The following ASTN2 variants were observed in gnomAD, a reference collection of about 807,000 sequenced individuals.
ASTN2 encodes the protein astrotactin-2.
In ASTN2, 54 loss-of-function variants were observed where a neutral mutation model predicts 139.8. The observed-to-expected ratio is 0.39, with a 90% CI of 0.31 to 0.48. The LOEUF is 0.48. ASTN2 is among the 20% of genes least tolerant of loss of function. ASTN2 has a pLI of 0.95. For synonymous variants in ASTN2, 756 were observed against 719.5 expected (o/e 1.05, Z -0.81); for missense variants, 1,565 against 1,725.1 (o/e 0.91, Z 1.64).
chr9:117,060,373 A>G (rs191553846), intron 5 of ASTN2, among the ~76,000 whole-genome samples: 3 of 72,772 alleles, frequency 4.1e-5, no homozygotes, highest in East Asian at 6.0e-4. Context: ...AAAGAAAGAA[A>G]GAAAGAAAGA....
At chr9:117,054,845 A>G (rs1839013114) in intron 5 of ASTN2, among the ~76,000 whole-genome samples, 1 of 152,120 alleles carries the variant, frequency 6.6e-6, no homozygotes, top group South Asian at 2.1e-4. Flanking sequence ...ATGGAACACA[A>G]TTTTTCCATG....
chr9:117,094,389 T>C (rs560944381), intron 5 of ASTN2, among the ~76,000 whole-genome samples: 5 of 152,152 alleles, frequency 3.3e-5, no homozygotes, highest in Admixed American at 1.3e-4. Flanking sequence ...TGCTCAGTGA[T>C]GAATGTTTTT....
chr9:117,185,587 G>T lies in ASTN2; in HGVS notation c.1015+28771C>A, dbSNP rs150278305. On this transcript the variant is annotated intron_variant, in intron 3 of 22. Transcript: ENST00000313400. ...AGTTCCAGATTAGCTTATGGATGGT[G>T]ACGTCTCCTGGTGTGGGGATCTCCT... 7.9e-3 allele frequency among the ~76,000 whole-genome samples: 1,207 copies of T among 152,298 alleles called. 14 individuals are homozygous for T. The highest frequency in any genetic ancestry group is 0.028 in the African/African-American group (1,151 of 41,548).
At chr9:117,008,408 G>A in intron 6 of ASTN2, 149 bp from the exon 7 acceptor site, 1 of 618,406 alleles carries the variant, frequency 1.6e-6, no homozygotes, top group Non-Finnish European at 2.6e-6. Context: ...CCGTCATGGT[G>A]TTGCAAGCCC....
intron 10 of ASTN2, among the ~76,000 whole-genome samples, chr9:116,877,646 G>A (rs998445508): frequency 1.3e-5 from 2 of 152,074 alleles, no homozygotes; most frequent in Admixed American, 1.3e-4. Context: ...ATGAGACCCT[G>A]AAACCAAACC....
intron 7 of ASTN2, among the ~76,000 whole-genome samples, chr9:117,007,734 T>C (rs182244039): frequency 1.4e-4 from 21 of 152,316 alleles, no homozygotes; most frequent in Admixed American, 1.3e-3. Flanking sequence ...TTGGTGCTAT[T>C]TTCATTCTCT....
intron 12 of ASTN2, among the ~76,000 whole-genome samples, chr9:116,815,876 A>G (rs927245924): frequency 6.6e-6 from 1 of 151,266 alleles, no homozygotes; most frequent in Non-Finnish European, 1.5e-5. Flanking sequence ...TATGAGAAAT[A>G]ACTCTCTTAG....
chr9:116,613,133 T>C (rs888812725), intron 19 of ASTN2: 1 of 152,086 alleles, frequency 6.6e-6, no homozygotes, highest in Admixed American at 6.6e-5. Flanking sequence ...AAGAAATGGA[T>C]AAATTCCTGG....
intron 10 of ASTN2, among the ~76,000 whole-genome samples, chr9:116,970,268 A>C (rs1836151029): frequency 1.3e-5 from 2 of 152,164 alleles, no homozygotes; most frequent in South Asian, 4.1e-4. Context: ...ATCTGATGAT[A>C]CCTTTGGGGA....
At chr9:116,614,186 C>A (rs147500295) in intron 19 of ASTN2, among the ~76,000 whole-genome samples, 1,707 of 152,070 alleles carry the variant, frequency 0.011, 29 homozygotes, top group African/African-American at 0.039. Flanking sequence ...GACCTCTTCA[C>A]GAAGAACTAC....
chr9:117,109,357 A>AATAAATAAATAAAT lies in ASTN2; in HGVS notation c.1169-13207_1169-13206insATTTATTTATTTAT, dbSNP rs201829882. ...CAAAAAATAAATAAATAAATAAATA[A>AATAAATAAATAAAT]AAATAAATAAATAAAAATAAATCTG... On this transcript the variant is annotated intron_variant, in intron 4 of 22. Transcript: ENST00000313400. 6.2e-3 allele frequency among the ~76,000 whole-genome samples: 654 copies of AATAAATAAATAAAT among 105,346 alleles called. 6 individuals carry two copies. The highest frequency in any genetic ancestry group is 0.035 in the East Asian group (147 of 4,148). The allele number at this position is 105,346 out of a possible 152,430, so 69.1% of individuals were successfully genotyped here. A position where few individuals can be genotyped will look rare whatever the true frequency, so the allele number is the denominator to read the frequency against.
intron 20 of ASTN2, among the ~76,000 whole-genome samples, chr9:116,482,369 G>C (rs533262595): frequency 2.1e-3 from 323 of 152,120 alleles, no homozygotes; most frequent in African/African-American, 6.5e-3. Flanking sequence ...CCTATCTCTA[G>C]GTTTATCATG....
chr9:117,157,027 G>A (rs1830447640), intron 3 of ASTN2, among the ~76,000 whole-genome samples: 1 of 151,794 alleles, frequency 6.6e-6, no homozygotes, highest in South Asian at 2.1e-4. Flanking sequence ...CATGCCTCTG[G>A]GCTCAAAAAC....
chr9:116,426,120 A>G (rs777235207), intron 22 of ASTN2, 32 bp from the exon 23 acceptor site: 23 of 1,606,814 alleles, frequency 1.4e-5, no homozygotes, highest in African/African-American at 9.3e-5. Context: ...CCATGATTAA[A>G]GAAGTCCAGA....
chr9:117,031,561 GAAC>G (rs1489233275), intron 6 of ASTN2, among the ~76,000 whole-genome samples: 1 of 151,994 alleles, frequency 6.6e-6, no homozygotes, highest in Non-Finnish European at 1.5e-5. Flanking sequence ...TAGCAAGAGA[GAAC>G]AACATTAACT....
intron 20 of ASTN2, among the ~76,000 whole-genome samples, chr9:116,450,019 G>A (rs557608928): frequency 1.4e-3 from 209 of 152,294 alleles, no homozygotes; most frequent in South Asian, 6.6e-3. Context: ...ACAGATCCAT[G>A]AGCAAAATCA....
intron 3 of ASTN2, among the ~76,000 whole-genome samples, chr9:117,179,203 G>A (rs1325593020): frequency 6.6e-6 from 1 of 152,034 alleles, no homozygotes; most frequent in Non-Finnish European, 1.5e-5. Flanking sequence ...AACCACCAGA[G>A]CTTTCTTTCT....
intron 10 of ASTN2, among the ~76,000 whole-genome samples, chr9:116,901,667 A>C (rs951145695): frequency 1.3e-5 from 2 of 152,248 alleles, no homozygotes; most frequent in African/African-American, 4.8e-5. Flanking sequence ...TGACTATGTT[A>C]CTGGTTTATG....
At chr9:117,141,517 C>A in intron 3 of ASTN2, 39 bp from the exon 4 acceptor site, 1 of 1,349,670 alleles carries the variant, frequency 7.4e-7, no homozygotes, top group Non-Finnish European at 9.9e-7. Flanking sequence ...GGGCTTGAGC[C>A]CACCCTCAGC....
Sources: allele counts gnomAD v4.1 joint callset (sites outside exome capture counted in the v4.1 genomes callset), GRCh38; gene constraint gnomAD v4.1.1; transcripts MANE v1.5; gene names NCBI Gene and HGNC (gene_info 2026-07-23, HGNC 2026-07-21).